NELL1: variants seen among roughly 807,000 people sequenced by gnomAD.
NELL1 encodes protein kinase C-binding protein NELL1.
NELL1 carries 76 observed loss-of-function variants against 107.4 expected under a neutral mutation model. The observed-to-expected ratio is 0.71, with a 90% CI of 0.59 to 0.86. The LOEUF (loss-of-function observed/expected upper bound fraction) is 0.86. Among genes scored for constraint, NELL1 ranks in the 40% least tolerant of loss-of-function variants. The pLI, the probability that NELL1 is intolerant of heterozygous loss-of-function variation, is 0.00. For synonymous variants in NELL1, 353 were observed against 341.2 expected (o/e 1.03, Z -0.38); for missense variants, 1,024 against 1,005.5 (o/e 1.02, Z -0.25).
At position 21,430,254 on chromosome 11, in the gene NELL1, T is replaced by C. The variant is rs570242271; in HGVS notation, c.1645+59306T>C. On this transcript the variant is annotated intron_variant, in intron 15 of 19. Coordinates refer to ENST00000357134, the MANE Select transcript of NELL1 (RefSeq NM_006157.5). The stretch of plus-strand genomic sequence containing the variant: ...ACTTAAAATCTACCTTTTGATATTT[T>C]GTTTGCACCCCTTTGGTTATTTTAT... Among the ~76,000 whole-genome samples, 3 of 152,344 alleles carry C rather than the reference T, an allele frequency of 2.0e-5. No individual in the cohort carries two copies. In the South Asian group the frequency reaches 6.2e-4, roughly 32 times the overall value.
rs1368633455 is a variant in NELL1 at position 21,358,823 on chromosome 11, T to C, written c.1550-12030T>C. ...TGTTGATATGTACCAGTGCTACTGA[T>C]TTGTGTACATTGTATCTTTAAACTT... On this transcript the variant is annotated intron_variant, in intron 14 of 19. Transcript: ENST00000357134. Among the ~76,000 whole-genome samples, 3 of 152,074 alleles carry C rather than the reference T, an allele frequency of 2.0e-5. No homozygotes were observed. In the East Asian group the frequency reaches 5.8e-4, roughly 29 times the overall value.
chr11:20,983,137 G>A (rs1851782160), intron 12 of NELL1, among the ~76,000 whole-genome samples: 1 of 152,078 alleles, frequency 6.6e-6, no homozygotes, highest in African/African-American at 2.4e-5. Flanking sequence ...GCAAGTATTC[G>A]CTGTTTATAG....
chr11:21,548,896 G>T (rs4441013), intron 16 of NELL1, among the ~76,000 whole-genome samples: 22,710 of 149,874 alleles, frequency 0.15, 1,987 homozygotes, highest in African/African-American at 0.23. Context: ...TCCTAGCATT[G>T]CTGAAAGCAT....
chr11:21,256,177 T>A (rs1160179575), intron 14 of NELL1, among the ~76,000 whole-genome samples: 1 of 152,056 alleles, frequency 6.6e-6, no homozygotes, highest in East Asian at 1.9e-4. Flanking sequence ...TTGTGACATT[T>A]ATTTTTCCAA....
In NELL1 at chr11:21,182,440, GA is replaced by G. The variant is rs201319322; in HGVS notation, c.1427-46877del. Among the ~76,000 whole-genome samples, 684 of 111,690 alleles carry G rather than the reference GA, an allele frequency of 6.1e-3. 11 individuals are homozygous for G. The highest frequency in any genetic ancestry group is 0.011 in the African/African-American group (302 of 27,614). 73.3% of individuals were successfully genotyped at this position (111,690 alleles called of 152,430 possible). A position where few individuals can be genotyped will look rare whatever the true frequency, so the allele number is the denominator to read the frequency against. On this transcript the variant is annotated intron_variant, in intron 13 of 19. Transcript: ENST00000357134. ...ACAGAGTGAGACTCCGTCTCAAAAA[GA>G]AAAAAAAAAAAAAAGAAAGAAAATG... is the stretch of plus-strand genomic sequence containing the variant.
At position 20,823,160 on chromosome 11, in the gene NELL1, C is replaced by G. The variant is rs1432374962; in HGVS notation, c.336-24423C>G. Among the ~76,000 whole-genome samples, 7 of 151,462 alleles carry G rather than the reference C, an allele frequency of 4.6e-5. 1 individual carries two copies. Among genetic ancestry groups the G allele is most frequent in the Non-Finnish European group, 1.0e-4 (7 of 67,632 alleles). ...AAGAAGTTTAATTGGACTTACAGTT[C>G]CACATGGCTGGGGAAGCCTCTCATT... On this transcript the variant is annotated intron_variant, in intron 3 of 19. Coordinates refer to ENST00000357134, the MANE Select transcript of NELL1 (RefSeq NM_006157.5).
chr11:20,894,609 C>T (rs748761469), intron 5 of NELL1, among the ~76,000 whole-genome samples: 1 of 152,178 alleles, frequency 6.6e-6, no homozygotes, highest in Non-Finnish European at 1.5e-5. Flanking sequence ...ATTAAAAACA[C>T]AGACCATACC....
intron 5 of NELL1, among the ~76,000 whole-genome samples, chr11:20,893,394 A>G (rs1372730664): frequency 6.6e-6 from 1 of 151,602 alleles, no homozygotes; most frequent in African/African-American, 2.4e-5. Flanking sequence ...AAATAAAAAA[A>G]TAATTAAAAT....
chr11:20,756,656 A>C (rs116923677), intron 2 of NELL1, among the ~76,000 whole-genome samples: 2,144 of 131,764 alleles, frequency 0.016, 18 homozygotes, highest in Middle Eastern at 0.027. Context: ...CCACCACACC[A>C]GGCCAGAAAA....
At chr11:21,149,945 A>G (rs1856077115) in intron 13 of NELL1, among the ~76,000 whole-genome samples, 1 of 152,138 alleles carries the variant, frequency 6.6e-6, no homozygotes, top group African/African-American at 2.4e-5. Context: ...AGGGTTAGGG[A>G]GGGACCATAT....
intron 10 of NELL1, among the ~76,000 whole-genome samples, chr11:20,944,973 A>T (rs1850933125): frequency 6.6e-6 from 1 of 152,248 alleles, no homozygotes; most frequent in Non-Finnish European, 1.5e-5. Flanking sequence ...ACAAAAATAT[A>T]TACTTATACA....
chr11:21,046,677 A>ATTTAT (rs1853361700), intron 12 of NELL1, among the ~76,000 whole-genome samples: 25 of 143,548 alleles, frequency 1.7e-4, no homozygotes, highest in Admixed American at 1.4e-4. Context: ...TATTTACTCA[A>ATTTAT]TTATTTATTT....
At chr11:20,699,449 C>T (rs35182874) in intron 2 of NELL1, among the ~76,000 whole-genome samples, 29,944 of 151,810 alleles carry the variant, frequency 0.2, 3,232 homozygotes, top group African/African-American at 0.25. Context: ...CAACCTCTAC[C>T]TCCTGGGTTC....
At chr11:21,492,729 A>C (rs184083750) in intron 15 of NELL1, among the ~76,000 whole-genome samples, 11,849 of 115,742 alleles carry the variant, frequency 0.1, 840 homozygotes, top group African/African-American at 0.22. Context: ...GGAACATCAC[A>C]CTCTGGGGAC....
chr11:20,776,753 G>A (rs532322371), intron 2 of NELL1, among the ~76,000 whole-genome samples: 30 of 152,198 alleles, frequency 2.0e-4, no homozygotes, highest in African/African-American at 7.2e-4. Context: ...GCTAGAATGC[G>A]GGAGTGTGGG....
chr11:21,510,943 A>G (rs1478044317), intron 15 of NELL1, among the ~76,000 whole-genome samples: 1 of 152,238 alleles, frequency 6.6e-6, no homozygotes, highest in African/African-American at 2.4e-5. Flanking sequence ...TAATGGAGAC[A>G]GATTATCAAT....
At chr11:20,692,385 C>G (rs1271533610) in intron 2 of NELL1, among the ~76,000 whole-genome samples, 1 of 151,806 alleles carries the variant, frequency 6.6e-6, no homozygotes. Context: ...GTTAGGGTGT[C>G]AATTTTGGGT....
chr11:21,309,302 A>ATATATG (rs1849695051), intron 14 of NELL1, among the ~76,000 whole-genome samples: 1 of 127,914 alleles, frequency 7.8e-6, no homozygotes, highest in African/African-American at 3.0e-5. Context: ...ATATATATGT[A>ATATATG]TATATATATA....
chr11:21,415,952 G>A (rs184821143), intron 15 of NELL1, among the ~76,000 whole-genome samples: 3,018 of 151,114 alleles, frequency 0.02, 91 homozygotes, highest in African/African-American at 0.065. Flanking sequence ...GGGAGAGGAC[G>A]GAGGGAAGCT....
Sources: allele counts gnomAD v4.1 joint callset (sites outside exome capture counted in the v4.1 genomes callset), GRCh38; gene constraint gnomAD v4.1.1; transcripts MANE v1.5; gene names NCBI Gene and HGNC (gene_info 2026-07-23, HGNC 2026-07-21).